Variants in CHCHD6 observed in about 807,000 individuals in gnomAD.
CHCHD6 encodes the protein MICOS complex subunit MIC25.
In CHCHD6, 28 loss-of-function variants were observed where a neutral mutation model predicts 32.3. The observed-to-expected ratio is 0.87, with a 90% CI of 0.64 to 1.19. CHCHD6 has a LOEUF of 1.19. CHCHD6 is among the 50% of genes most tolerant of loss of function. The probability of loss-of-function intolerance (pLI) is 0.00; values close to 1 mark genes in which losing one functional copy is unlikely to be tolerated. For missense variants in CHCHD6, 333 were observed against 307.0 expected, an observed-to-expected ratio of 1.08 and a Z score of -0.63; for synonymous variants, 122 against 117.5, an observed-to-expected ratio of 1.04 and a Z score of -0.25.
intron 6 of CHCHD6, among the ~76,000 whole-genome samples, chr3:126,937,293 C>T (rs1228900602): frequency 1.3e-5 from 2 of 152,242 alleles, no homozygotes; most frequent in African/African-American, 4.8e-5. Context: ...CATTGAGCTT[C>T]ACTTCCATGC....
intron 5 of CHCHD6, among the ~76,000 whole-genome samples, chr3:126,884,930 C>G (rs926507393): frequency 6.6e-6 from 1 of 152,198 alleles, no homozygotes; most frequent in Non-Finnish European, 1.5e-5. Flanking sequence ...CCATTTGTGC[C>G]GGTGGAGGTT....
intron 4 of CHCHD6, among the ~76,000 whole-genome samples, chr3:126,774,714 G>A (rs1392303901): frequency 1.3e-5 from 2 of 152,242 alleles, no homozygotes; most frequent in Admixed American, 6.5e-5. Flanking sequence ...TTTTGTGAGG[G>A]TGGAAGTCCA....
chr3:126,800,593 G>A (rs772393341), intron 4 of CHCHD6, among the ~76,000 whole-genome samples: 3 of 152,138 alleles, frequency 2.0e-5, no homozygotes, highest in Admixed American at 6.5e-5. Flanking sequence ...ATAAAACTAC[G>A]AGATAAAACG....
intron 5 of CHCHD6, among the ~76,000 whole-genome samples, chr3:126,871,661 CTTT>C (rs869191195): frequency 8.0e-6 from 1 of 125,124 alleles, no homozygotes; most frequent in Non-Finnish European, 1.7e-5. Context: ...GACCCCCCAA[CTTT>C]TTTTTTTTTT....
chr3:126,955,701 GA>G (rs2078774085), intron 6 of CHCHD6, among the ~76,000 whole-genome samples: 1 of 152,190 alleles, frequency 6.6e-6, no homozygotes, highest in African/African-American at 2.4e-5. Context: ...GGCCTTAGCT[GA>G]ACATGGGACA....
At chr3:126,778,160 C>T (rs1002301379) in intron 4 of CHCHD6, among the ~76,000 whole-genome samples, 2 of 152,196 alleles carry the variant, frequency 1.3e-5, no homozygotes, top group Admixed American at 1.3e-4. Context: ...TTTTATATAT[C>T]CATTAACCAG....
chr3:126,734,440 G>A (rs562445490), intron 4 of CHCHD6, among the ~76,000 whole-genome samples: 68 of 152,344 alleles, frequency 4.5e-4, no homozygotes, highest in Admixed American at 9.8e-4. Flanking sequence ...AGCATCATTT[G>A]GGATTGTGCT....
At chr3:126,956,600 CGAGA>C (rs58750065) in intron 6 of CHCHD6, among the ~76,000 whole-genome samples, 4,495 of 149,736 alleles carry the variant, frequency 0.03, 94 homozygotes, top group Non-Finnish European at 0.04. Context: ...AGTGTGCGCA[CGAGA>C]GAGAGAGAGA....
intron 5 of CHCHD6, among the ~76,000 whole-genome samples, chr3:126,913,897 A>G (rs2078131576): frequency 6.6e-6 from 1 of 152,256 alleles, no homozygotes; most frequent in East Asian, 1.9e-4. Context: ...TAACCTACCC[A>G]GAGCCACACG....
chr3:126,781,548 T>C (rs1291180464), intron 4 of CHCHD6, among the ~76,000 whole-genome samples: 1 of 152,214 alleles, frequency 6.6e-6, no homozygotes, highest in Non-Finnish European at 1.5e-5. Context: ...GCCTTGTGTA[T>C]GGTTTTGGAG....
chr3:126,746,441 C>G (rs1936507105), intron 4 of CHCHD6, among the ~76,000 whole-genome samples: 1 of 152,094 alleles, frequency 6.6e-6, no homozygotes, highest in Non-Finnish European at 1.5e-5. Context: ...GCCTGGCAGC[C>G]CTGCCTTGCC....
chr3:126,881,812 G>C (rs1202229869), intron 5 of CHCHD6, among the ~76,000 whole-genome samples: 1 of 152,224 alleles, frequency 6.6e-6, no homozygotes, highest in African/African-American at 2.4e-5. Flanking sequence ...TAAGTGCTCT[G>C]ACAAAAGAAA....
chr3:126,768,085 C>T (rs533572727), intron 4 of CHCHD6, among the ~76,000 whole-genome samples: 17 of 152,216 alleles, frequency 1.1e-4, no homozygotes, highest in African/African-American at 1.9e-4. Context: ...TCTGTGTCCC[C>T]GCCCAAATCT....
chr3:126,800,645 T>C (rs1028521337), intron 4 of CHCHD6, among the ~76,000 whole-genome samples: 10 of 152,196 alleles, frequency 6.6e-5, no homozygotes, highest in African/African-American at 2.4e-4. Context: ...CAGTGGTTTA[T>C]CCTCCAGGTT....
chr3:126,730,455 C>G (rs866795077), intron 2 of CHCHD6, 106 bp from the exon 3 acceptor site: 1 of 886,904 alleles, frequency 1.1e-6, no homozygotes, highest in Middle Eastern at 2.3e-4. Context: ...TGCTGCCTTC[C>G]AAGGGGCACA....
chr3:126,953,188 T>C (rs1454505840), intron 6 of CHCHD6: 2 of 955,614 alleles, frequency 2.1e-6, no homozygotes, highest in East Asian at 2.3e-4. Context: ...GCCCCAGGTT[T>C]GTCTGATCCC....
At chr3:126,729,787 T>C (rs1474519828) in intron 2 of CHCHD6, among the ~76,000 whole-genome samples, 1 of 152,108 alleles carries the variant, frequency 6.6e-6, no homozygotes, top group Non-Finnish European at 1.5e-5. Context: ...TATGTTATGC[T>C]CTATGTGGTT....
chr3:126,761,916 G>C (rs1011315182), intron 4 of CHCHD6, among the ~76,000 whole-genome samples: 2 of 152,084 alleles, frequency 1.3e-5, no homozygotes, highest in Non-Finnish European at 2.9e-5. Context: ...TTTTCGTCCA[G>C]GTTATCCAAT....
chr3:126,828,563 C>A (rs187093701), intron 4 of CHCHD6, among the ~76,000 whole-genome samples: 1 of 152,192 alleles, frequency 6.6e-6, no homozygotes. Flanking sequence ...GTTGCAGGCC[C>A]GTCCTGTCGG....
Sources: allele counts gnomAD v4.1 joint callset (sites outside exome capture counted in the v4.1 genomes callset), GRCh38; gene constraint gnomAD v4.1.1; transcripts MANE v1.5; gene names NCBI Gene and HGNC (gene_info 2026-07-23, HGNC 2026-07-21).